MSRA: variants seen among roughly 807,000 people sequenced by gnomAD.
MSRA encodes the protein methionine sulfoxide reductase A.
A neutral mutation model predicts 31.3 loss-of-function variants in MSRA; 54 were observed. That is an observed-to-expected ratio of 1.73 (90% CI 1.39 to 2.17). The LOEUF is 2.17. Ranked by LOEUF, MSRA falls within the 30% of genes most tolerant of loss-of-function variation. The pLI is 0.00. For synonymous variants in MSRA, 169 were observed against 116.5 expected (o/e 1.45, Z -2.90); for missense variants, 507 against 300.9 (o/e 1.69, Z -5.07).
chr8:10,287,139 A>G (rs1799979328), intron 3 of MSRA, among the ~76,000 whole-genome samples: 1 of 152,192 alleles, frequency 6.6e-6, no homozygotes, highest in Non-Finnish European at 1.5e-5. Context: ...CAAGGCTAAA[A>G]GATTCCCAAT....
At chr8:10,296,803 G>A (rs1800568630) in intron 3 of MSRA, among the ~76,000 whole-genome samples, 1 of 152,094 alleles carries the variant, frequency 6.6e-6, no homozygotes, top group Non-Finnish European at 1.5e-5. Flanking sequence ...TCCTCTCCCA[G>A]ACCCCGCCAA....
intron 1 of MSRA, among the ~76,000 whole-genome samples, chr8:10,099,348 A>C (rs536494071): frequency 6.6e-6 from 1 of 152,274 alleles, no homozygotes; most frequent in Non-Finnish European, 1.5e-5. Flanking sequence ...CATTCAGCAG[A>C]TACTCCCAGA....
At chr8:10,199,001 A>C (rs748264674) in intron 1 of MSRA, among the ~76,000 whole-genome samples, 1 of 152,212 alleles carries the variant, frequency 6.6e-6, no homozygotes, top group Non-Finnish European at 1.5e-5. Context: ...AATCAAAGCT[A>C]GTCTCTCTTT....
intron 2 of MSRA, among the ~76,000 whole-genome samples, chr8:10,240,442 C>G (rs1219481967): frequency 5.3e-5 from 8 of 152,182 alleles, no homozygotes; most frequent in Non-Finnish European, 4.4e-5. Flanking sequence ...GCTGGCATCC[C>G]CTGGCTGGGC....
At chr8:10,228,851 G>A (rs1811224917) in intron 2 of MSRA, among the ~76,000 whole-genome samples, 1 of 152,094 alleles carries the variant, frequency 6.6e-6, no homozygotes, top group Admixed American at 6.5e-5. Context: ...GGCATTTGGT[G>A]GATACAAACT....
At chr8:10,192,525 G>A (rs1807598302) in intron 1 of MSRA, among the ~76,000 whole-genome samples, 2 of 152,226 alleles carry the variant, frequency 1.3e-5, no homozygotes, top group Admixed American at 1.3e-4. Flanking sequence ...ATTGAACAGT[G>A]GTTGTTGTGC....
intron 1 of MSRA, among the ~76,000 whole-genome samples, chr8:10,165,308 C>G (rs1466312390): frequency 6.6e-6 from 1 of 152,160 alleles, no homozygotes; most frequent in East Asian, 1.9e-4. Context: ...AACAATATAG[C>G]TACTTTCTCT....
intron 5 of MSRA, among the ~76,000 whole-genome samples, chr8:10,410,583 A>T (rs1231287809): frequency 6.6e-6 from 1 of 152,190 alleles, no homozygotes; most frequent in East Asian, 1.9e-4. Flanking sequence ...CCCCTCTTAC[A>T]GAAGAGAAGG....
At chr8:10,235,815 C>G (rs1188385559) in intron 2 of MSRA, among the ~76,000 whole-genome samples, 3 of 151,892 alleles carry the variant, frequency 2.0e-5, no homozygotes, top group African/African-American at 7.3e-5. Flanking sequence ...TTTCTGAGGC[C>G]AGTATAACCT....
intron 3 of MSRA, among the ~76,000 whole-genome samples, chr8:10,261,822 A>T (rs1798501130): frequency 6.6e-6 from 1 of 152,198 alleles, no homozygotes; most frequent in South Asian, 2.1e-4. Context: ...AATCATGCAG[A>T]ATAGTTCACT....
chr8:10,148,877 C>T (rs1167156598), intron 1 of MSRA, among the ~76,000 whole-genome samples: 1 of 148,414 alleles, frequency 6.7e-6, no homozygotes, highest in Non-Finnish European at 1.5e-5. Context: ...TAAAGACATG[C>T]AGAACTGGAG....
intron 1 of MSRA, among the ~76,000 whole-genome samples, chr8:10,108,170 T>C (rs1330374902): frequency 1.3e-5 from 2 of 152,252 alleles, no homozygotes; most frequent in African/African-American, 4.8e-5. Context: ...TCAGTGGTTC[T>C]ATTTGGACAT....
chr8:10,070,403 C>T (rs552529782), intron 1 of MSRA, among the ~76,000 whole-genome samples: 4 of 152,094 alleles, frequency 2.6e-5, no homozygotes, highest in African/African-American at 7.2e-5. Context: ...CCAAGTGTGA[C>T]CTGCTATTTT....
At chr8:10,116,721 A>G (rs909924278) in intron 1 of MSRA, among the ~76,000 whole-genome samples, 1 of 152,066 alleles carries the variant, frequency 6.6e-6, no homozygotes, top group African/African-American at 2.4e-5. Flanking sequence ...TAATCTCAGC[A>G]CTTTGGGAGG....
intron 4 of MSRA, among the ~76,000 whole-genome samples, chr8:10,302,575 G>T (rs1437532238): frequency 1.3e-5 from 2 of 152,220 alleles, no homozygotes; most frequent in Non-Finnish European, 2.9e-5. Context: ...AGCAGCACAG[G>T]TTGGTGGGTC....
intron 2 of MSRA, among the ~76,000 whole-genome samples, chr8:10,229,884 A>G (rs1811319537): frequency 6.6e-6 from 1 of 152,066 alleles, no homozygotes; most frequent in South Asian, 2.1e-4. Context: ...TCTGTGTTTG[A>G]CTCTGCATTC....
rs571496963 is a variant in MSRA at position 10,322,002 on chromosome 8, A to G, written c.543+2013A>G. Among the ~76,000 whole-genome samples, 33 of 152,320 alleles carry G rather than the reference A, an allele frequency of 2.2e-4. No homozygotes were observed. In the South Asian group the frequency reaches 6.6e-3, roughly 31 times the overall value. ...TGTATTTCCATTCTAAAAACCTTTT[A>G]CCTATATATTCTTTCTCTTATCCCT... On this transcript the variant is annotated intron_variant, in intron 5 of 5. Coordinates refer to ENST00000317173, the MANE Select transcript of MSRA (RefSeq NM_012331.5).
chr8:10,182,974 A>G (rs2129050571), intron 1 of MSRA, among the ~76,000 whole-genome samples: 1 of 152,350 alleles, frequency 6.6e-6, no homozygotes, highest in South Asian at 2.1e-4. Flanking sequence ...CCTTTGAAGC[A>G]GATAATACTG....
intron 3 of MSRA, among the ~76,000 whole-genome samples, chr8:10,268,915 T>C (rs1585320620): frequency 6.6e-6 from 1 of 152,374 alleles, no homozygotes; most frequent in East Asian, 1.9e-4. Flanking sequence ...TGGTAACCTT[T>C]TCCCACCTCT....
Sources: allele counts gnomAD v4.1 joint callset (sites outside exome capture counted in the v4.1 genomes callset), GRCh38; gene constraint gnomAD v4.1.1; transcripts MANE v1.5; gene names NCBI Gene and HGNC (gene_info 2026-07-23, HGNC 2026-07-21).